Variants in SORBS2 observed in about 807,000 individuals in gnomAD.
SORBS2 encodes sorbin and SH3 domain-containing protein 2.
In SORBS2, 46 loss-of-function variants were observed where a neutral mutation model predicts 97.7. The ratio of observed to expected loss-of-function variants is 0.47; its 90% CI spans 0.37 to 0.60. The LOEUF (loss-of-function observed/expected upper bound fraction) is 0.60. Ranked by LOEUF, SORBS2 falls within the 20% of genes least tolerant of loss-of-function variation. SORBS2 has a pLI of 0.00. For missense variants in SORBS2, 1,316 were observed against 1,282.3 expected (o/e 1.03, Z -0.40); for synonymous variants, 476 against 473.4 (o/e 1.01, Z -0.07).
chr4:185,690,959 G>A (rs1055067593), intron 2 of SORBS2, among the ~76,000 whole-genome samples: 1 of 151,556 alleles, frequency 6.6e-6, no homozygotes, highest in African/African-American at 2.4e-5. Flanking sequence ...CAGTGTAGTG[G>A]TGCGATCTTG....
At chr4:185,750,070 G>A (rs1401901881) in intron 2 of SORBS2, among the ~76,000 whole-genome samples, 1 of 152,224 alleles carries the variant, frequency 6.6e-6, no homozygotes, top group Non-Finnish European at 1.5e-5. Context: ...GCATGTTGCA[G>A]AAAGACACTA....
intron 1 of SORBS2, among the ~76,000 whole-genome samples, chr4:185,827,234 T>C (rs1040031614): frequency 5.3e-5 from 3 of 56,628 alleles, no homozygotes; most frequent in South Asian, 4.8e-4. Context: ...ATCATCATCA[T>C]CACCATCACC....
At chr4:185,592,995 A>G (rs1251399760) in intron 13 of SORBS2, 1 of 152,270 alleles carries the variant, frequency 6.6e-6, no homozygotes, top group Non-Finnish European at 1.5e-5. Flanking sequence ...AGGAGCAAGG[A>G]AGGACTTGAT....
intron 1 of SORBS2, among the ~76,000 whole-genome samples, chr4:185,862,048 C>T (rs1272640119): frequency 6.6e-6 from 1 of 152,122 alleles, no homozygotes; most frequent in Non-Finnish European, 1.5e-5. Flanking sequence ...AGCATTACAA[C>T]CACAGCAACT....
chr4:185,820,077 C>A (rs2099195795), intron 1 of SORBS2, among the ~76,000 whole-genome samples: 1 of 152,102 alleles, frequency 6.6e-6, no homozygotes, highest in Non-Finnish European at 1.5e-5. Context: ...ATTTATGGTG[C>A]GGCACTGGGT....
intron 1 of SORBS2, among the ~76,000 whole-genome samples, chr4:185,863,042 G>T (rs1248114301): frequency 1.3e-5 from 2 of 152,154 alleles, no homozygotes; most frequent in African/African-American, 4.8e-5. Context: ...GTGGAGAGGT[G>T]GGACACGGAA....
chr4:185,729,962 T>C (rs1583561681), intron 2 of SORBS2, among the ~76,000 whole-genome samples: 1 of 151,136 alleles, frequency 6.6e-6, no homozygotes, highest in East Asian at 1.9e-4. Context: ...TTCTTTTTTC[T>C]TTTTTTTTGA....
At chr4:185,835,141 T>C (rs1396124765) in intron 1 of SORBS2, among the ~76,000 whole-genome samples, 1 of 152,196 alleles carries the variant, frequency 6.6e-6, no homozygotes, top group Non-Finnish European at 1.5e-5. Context: ...GAGTAAAAGC[T>C]TCCTGAAGCC....
chr4:185,908,708 A>G (rs1398004823), intron 1 of SORBS2, among the ~76,000 whole-genome samples: 1 of 152,000 alleles, frequency 6.6e-6, no homozygotes, highest in Non-Finnish European at 1.5e-5. Context: ...ATAAACTAGT[A>G]AAAACTTTTA....
At chr4:185,933,205 TAC>T (rs2099267308) in intron 1 of SORBS2, 1 of 152,190 alleles carries the variant, frequency 6.6e-6, no homozygotes, top group Non-Finnish European at 1.5e-5. Context: ...CATGGATAAT[TAC>T]AGTTTCATAT....
At chr4:185,643,403 A>G (rs28455134) in intron 4 of SORBS2, among the ~76,000 whole-genome samples, 97,156 of 151,672 alleles carry the variant, frequency 0.64, 32,442 homozygotes, top group South Asian at 0.76. Context: ...GCTGGAGCCC[A>G]GTCACAGGTC....
intron 1 of SORBS2, among the ~76,000 whole-genome samples, chr4:185,822,705 G>A (rs749321473): frequency 3.9e-5 from 6 of 152,214 alleles, no homozygotes; most frequent in Non-Finnish European, 7.3e-5. Flanking sequence ...TTTCCACAGG[G>A]TGTTCCAGGA....
intron 1 of SORBS2, among the ~76,000 whole-genome samples, chr4:185,908,620 G>A (rs1045503400): frequency 2.0e-5 from 3 of 151,846 alleles, no homozygotes; most frequent in Non-Finnish European, 4.4e-5. Context: ...AAGCTGTACT[G>A]TGTTTCCTCA....
chr4:185,849,637 T>A (rs1006209763), intron 1 of SORBS2, among the ~76,000 whole-genome samples: 1 of 152,178 alleles, frequency 6.6e-6, no homozygotes, highest in Non-Finnish European at 1.5e-5. Context: ...CTTCACCCCT[T>A]GTTGCAGAAT....
At chr4:185,745,774 G>A (rs1275028677) in intron 2 of SORBS2, among the ~76,000 whole-genome samples, 1 of 152,006 alleles carries the variant, frequency 6.6e-6, no homozygotes, top group African/African-American at 2.4e-5. Flanking sequence ...CCCCTCCCCC[G>A]ATTTGAAGAC....
At chr4:185,701,970 C>A (rs2098269412) in intron 2 of SORBS2, among the ~76,000 whole-genome samples, 1 of 152,054 alleles carries the variant, frequency 6.6e-6, no homozygotes, top group Non-Finnish European at 1.5e-5. Flanking sequence ...GGGGTTTCAC[C>A]ATGTTGGCCA....
chr4:185,737,048 C>A (rs917044354), intron 2 of SORBS2, among the ~76,000 whole-genome samples: 1 of 152,192 alleles, frequency 6.6e-6, no homozygotes, highest in African/African-American at 2.4e-5. Context: ...GAGTTTCTAA[C>A]CTCCTTCCCT....
chr4:185,657,625 G>A (rs79999679), upstream of SORBS2: 1,811 of 1,575,626 alleles, frequency 1.1e-3, 32 homozygotes, highest in East Asian at 0.039. Flanking sequence ...AACATGGAAC[G>A]TATTCGTTGC....
intron 4 of SORBS2, among the ~76,000 whole-genome samples, chr4:185,669,402 T>C (rs889553305): frequency 6.6e-6 from 1 of 152,204 alleles, no homozygotes; most frequent in African/African-American, 2.4e-5. Flanking sequence ...ACCATAGTCA[T>C]GGGTAATATG....
Sources: gnomAD v4.1 joint callset for allele counts (sites outside exome capture counted in the v4.1 genomes callset) on GRCh38, gnomAD v4.1.1 for gene constraint, MANE v1.5 for transcripts, NCBI Gene and HGNC (gene_info 2026-07-23, HGNC 2026-07-21) for gene names.